ZMAT5: variants seen among roughly 807,000 people sequenced by gnomAD.
ZMAT5 encodes the protein zinc finger matrin-type protein 5.
A neutral mutation model predicts 28.0 loss-of-function variants in ZMAT5; 23 were observed. The ratio of observed to expected loss-of-function variants is 0.82; its 90% CI spans 0.59 to 1.16. The LOEUF (loss-of-function observed/expected upper bound fraction) is 1.16, where lower values mean the gene tolerates loss of function less well. ZMAT5 is among the 50% of genes most tolerant of loss of function. The probability of loss-of-function intolerance (pLI) is 0.00; values close to 1 mark genes in which losing one functional copy is unlikely to be tolerated. For synonymous variants in ZMAT5, 76 were observed against 84.1 expected (o/e 0.90, Z 0.52); for missense variants, 173 against 212.7 (o/e 0.81, Z 1.16).
intron 4 of ZMAT5, among the ~76,000 whole-genome samples, chr22:29,739,471 G>C (rs1406127493): frequency 2.0e-5 from 3 of 152,172 alleles, no homozygotes; most frequent in Admixed American, 2.0e-4. Context: ...GTGTCATCTT[G>C]CTTCATCCTT....
chr22:29,740,791 G>A, intron 3 of ZMAT5, 61 bp from the exon 4 acceptor site: 3 of 1,476,996 alleles, frequency 2.0e-6, no homozygotes, highest in Non-Finnish European at 2.8e-6. Flanking sequence ...GGGCTGAGGG[G>A]TGCCCAGATG....
chr22:29,749,386 G>C (rs2068037795), intron 1 of ZMAT5, among the ~76,000 whole-genome samples: 1 of 152,002 alleles, frequency 6.6e-6, no homozygotes, highest in South Asian at 2.1e-4. Context: ...CCATACCTCT[G>C]ACCTCCACAT....
At chr22:29,761,854 G>A (rs538929034) in intron 1 of ZMAT5, among the ~76,000 whole-genome samples, 44 of 152,304 alleles carry the variant, frequency 2.9e-4, no homozygotes, top group Middle Eastern at 3.4e-3. Flanking sequence ...AATATGGACT[G>A]TATAACAGAA....
chr22:29,740,268 C>T lies in ZMAT5; in HGVS notation c.271+382G>A, dbSNP rs146832378. Among the ~76,000 whole-genome samples, 1,263 of 152,246 alleles carry T rather than the reference C, an allele frequency of 8.3e-3. 5 individuals are homozygous for T. The highest frequency in any genetic ancestry group is 0.015 in the Non-Finnish European group (1,004 of 68,024). Reference sequence around the variant, plus strand: ...AAGGTGCGTTCCTAAACTCCTTATCCCTAGACTGTCGTAAGGGGTCTGCTT... The same window carrying T: ...AAGGTGCGTTCCTAAACTCCTTATCTCTAGACTGTCGTAAGGGGTCTGCTT... On this transcript the variant is annotated intron_variant, in intron 4 of 5. Coordinates refer to ENST00000344318, the MANE Select transcript of ZMAT5 (RefSeq NM_001003692.2).
chr22:29,746,291 G>A (rs1390407298), intron 2 of ZMAT5: 1 of 152,210 alleles, frequency 6.6e-6, no homozygotes, highest in Non-Finnish European at 1.5e-5. Context: ...TGGGATTACA[G>A]GAACCCACCA....
At chr22:29,746,370 A>C (rs1347291405) in intron 2 of ZMAT5, 1 of 152,174 alleles carries the variant, frequency 6.6e-6, no homozygotes, top group Non-Finnish European at 1.5e-5. Flanking sequence ...GCTGGTCCTG[A>C]ACTCCTGACC....
chr22:29,737,392 G>C (rs2067916321), intron 5 of ZMAT5, among the ~76,000 whole-genome samples: 1 of 152,212 alleles, frequency 6.6e-6, no homozygotes. Context: ...CACAGAGAAG[G>C]CAAGAAGTTT....
At chr22:29,731,637 G>A (rs1461825094) in intron 5 of ZMAT5, 2 of 389,724 alleles carry the variant, frequency 5.1e-6, no homozygotes, top group African/African-American at 2.2e-5. Context: ...CAATACATAT[G>A]CACGTCCACA....
chr22:29,741,845 G>GCAACA (rs2067965883), intron 3 of ZMAT5, among the ~76,000 whole-genome samples: 1 of 152,032 alleles, frequency 6.6e-6, no homozygotes, highest in Non-Finnish European at 1.5e-5. Flanking sequence ...GTAGAGATGG[G>GCAACA]GTCTCGCTAT....
intron 1 of ZMAT5, among the ~76,000 whole-genome samples, chr22:29,761,269 CAAAAAAAAAAA>C (rs131283): frequency 1.2e-4 from 7 of 59,528 alleles, no homozygotes; most frequent in Admixed American, 4.7e-4. Context: ...AACTCCGTCT[CAAAAAAAAAAA>C]AAAAAAAAAA....
intron 5 of ZMAT5, among the ~76,000 whole-genome samples, chr22:29,732,358 G>A (rs891088643): frequency 4.6e-5 from 7 of 152,236 alleles, no homozygotes; most frequent in Non-Finnish European, 1.0e-4. Flanking sequence ...GAAATAGCAG[G>A]GTTGTGGGCA....
chr22:29,740,021 T>C (rs2067946679), intron 4 of ZMAT5, among the ~76,000 whole-genome samples: 1 of 152,200 alleles, frequency 6.6e-6, no homozygotes, highest in South Asian at 2.1e-4. Flanking sequence ...CCCAACCTGC[T>C]GGGGGGCTCA....
intron 1 of ZMAT5, among the ~76,000 whole-genome samples, chr22:29,765,168 C>T (rs549357067): frequency 4.6e-5 from 7 of 152,148 alleles, no homozygotes; most frequent in East Asian, 3.9e-4. Context: ...CCTGTAATCC[C>T]GGCACTTTGG....
chr22:29,731,527 C>T, intron 5 of ZMAT5, 173 bp from the exon 6 acceptor site: 1 of 752,616 alleles, frequency 1.3e-6, no homozygotes, highest in Non-Finnish European at 2.0e-6. Context: ...AGCGACCTCA[C>T]CTCTAGGAAC....
intron 5 of ZMAT5, chr22:29,731,911 A>G (rs573874410): frequency 6.6e-6 from 1 of 152,208 alleles, no homozygotes; most frequent in Admixed American, 6.5e-5. Context: ...AAGTTTTACG[A>G]GCACACAAGC....
chr22:29,751,530 C>T (rs1311374370), intron 1 of ZMAT5, among the ~76,000 whole-genome samples: 7 of 152,188 alleles, frequency 4.6e-5, no homozygotes, highest in South Asian at 2.1e-4. Context: ...CTCATTTAAT[C>T]CCCAGGACAA....
chr22:29,736,795 C>T (rs957155668), intron 5 of ZMAT5, among the ~76,000 whole-genome samples: 4 of 147,278 alleles, frequency 2.7e-5, no homozygotes, highest in Middle Eastern at 3.8e-3. Flanking sequence ...GAGGCTGAGG[C>T]GGGTGGATCA....
chr22:29,739,672 T>A (rs770695492), intron 4 of ZMAT5, among the ~76,000 whole-genome samples: 14 of 152,182 alleles, frequency 9.2e-5, no homozygotes, highest in Non-Finnish European at 1.8e-4. Context: ...CCCGTGCTCG[T>A]CCCACCATGG....
chr22:29,747,361 C>T (rs999800599), intron 2 of ZMAT5: 1 of 152,250 alleles, frequency 6.6e-6, no homozygotes, highest in African/African-American at 2.4e-5. Flanking sequence ...AAACAATCTT[C>T]CCACCTCAGT....
Sources: gnomAD v4.1 joint callset for allele counts (sites outside exome capture counted in the v4.1 genomes callset) on GRCh38, gnomAD v4.1.1 for gene constraint, MANE v1.5 for transcripts, NCBI Gene and HGNC (gene_info 2026-07-23, HGNC 2026-07-21) for gene names.